Variants in RAB4A observed in about 807,000 individuals in gnomAD.
RAB4A encodes the protein ras-related protein Rab-4A.
RAB4A carries 20 observed loss-of-function variants against 34.5 expected under a neutral mutation model. The ratio of observed to expected loss-of-function variants is 0.58; its 90% CI spans 0.41 to 0.84. The LOEUF (loss-of-function observed/expected upper bound fraction) is 0.84. Ranked by LOEUF, RAB4A falls within the 40% of genes least tolerant of loss-of-function variation. RAB4A has a pLI of 0.00. For synonymous variants in RAB4A, 102 were observed against 100.0 expected, an observed-to-expected ratio of 1.02 and a Z score of -0.12; for missense variants, 228 against 274.5, an observed-to-expected ratio of 0.83 and a Z score of 1.20.
rs184512983 is a variant in RAB4A, at chr1:229,282,272, C to A, written c.32-4214C>A. Among the ~76,000 whole-genome samples, 7 of 152,254 alleles carry A rather than the reference C, an allele frequency of 4.6e-5. No individual in the cohort carries two copies. The East Asian group carries it at 1.3e-3, about 29-fold the overall frequency. On this transcript the variant is annotated intron_variant, in intron 1 of 7. Transcript: ENST00000366690. ...GAAAAATACAGTCACTCTCTTATGGCCTCCCTGGCTTCAGATGAGAAATCT... is the reference window on the plus strand; with the variant it reads ...GAAAAATACAGTCACTCTCTTATGGACTCCCTGGCTTCAGATGAGAAATCT...
At chr1:229,274,049 C>CTTTTTTTTTTTTT (rs11339660) in intron 1 of RAB4A, among the ~76,000 whole-genome samples, 2 of 86,862 alleles carry the variant, frequency 2.3e-5, no homozygotes, top group Non-Finnish European at 2.1e-5. Flanking sequence ...TTTTGTTTCC[C>CTTTTTTTTTTTTT]TTTTTTTTTT....
At position 229,286,566 on chromosome 1, in the gene RAB4A, T is replaced by C. The variant is rs1558237148; in HGVS notation, c.112T>C (p.Phe38Leu). The change falls in exon 2 of 8, where the codon TTC becomes CTC. Residue 38 changes from phenylalanine (F) to leucine (L), a missense_variant and splice_region_variant. By Grantham distance (22) the Phe-to-Leu change is conservative. Transcript: ENST00000366690. Reference protein sequence around the residue: ...CLLHQFIEKKFKDDSNHTIGV... With the variant: ...CLLHQFIEKKLKDDSNHTIGV... Reference sequence around the variant, plus strand: ...ACTTCATCAGTTTATTGAAAAAAAATGTAAGTGTCATGAAATTAGTCATTC... The same window carrying C: ...ACTTCATCAGTTTATTGAAAAAAAACGTAAGTGTCATGAAATTAGTCATTC... The C allele has an allele frequency of 4.5e-6, 7 of 1,545,058 alleles. No homozygotes were observed. Among genetic ancestry groups the C allele is most frequent in the Non-Finnish European group, 6.2e-6 (7 of 1,134,948 alleles).
At chr1:229,293,506 G>A (rs1031422996) in intron 3 of RAB4A, among the ~76,000 whole-genome samples, 10 of 152,210 alleles carry the variant, frequency 6.6e-5, no homozygotes, top group African/African-American at 2.2e-4. Context: ...GGGCCTCTGT[G>A]CCAGGAACCT....
In RAB4A at chr1:229,305,889, C is replaced by T. The variant is rs1657535971; in HGVS notation, c.*2096C>T. 6.6e-6 allele frequency: 1 copy of T among 152,096 alleles called. No individual in the cohort carries two copies. The highest frequency in any genetic ancestry group is 1.5e-5 in the Non-Finnish European group (1 of 68,018). The allele number at this position is 152,096 out of a possible 1,614,324, so 9.4% of individuals were successfully genotyped here. The stretch of plus-strand genomic sequence containing the variant: ...AAGAATCTGATGCTAAAATTAGAAA[C>T]CTAAATGATTTGTAATTTGTACTGT... On this transcript the variant is annotated 3_prime_UTR_variant, in exon 8 of 8. Coordinates refer to ENST00000366690, the MANE Select transcript of RAB4A (RefSeq NM_004578.4).
At chr1:229,277,471 A>G (rs1420158380) in intron 1 of RAB4A, among the ~76,000 whole-genome samples, 2 of 151,028 alleles carry the variant, frequency 1.3e-5, no homozygotes, top group Non-Finnish European at 2.9e-5. Context: ...CAAGGTTCCC[A>G]CTGTTCAATT....
chr1:229,283,467 A>G (rs1220842422), intron 1 of RAB4A, among the ~76,000 whole-genome samples: 1 of 152,174 alleles, frequency 6.6e-6, no homozygotes, highest in Non-Finnish European at 1.5e-5. Context: ...TAGAGTCATT[A>G]TTGTGTAAGA....
intron 3 of RAB4A, 82 bp from the exon 4 acceptor site, chr1:229,295,766 G>C: frequency 7.5e-7 from 1 of 1,326,414 alleles, no homozygotes; most frequent in Non-Finnish European, 1.1e-6. Flanking sequence ...TACAAAGCAA[G>C]CATGGGTGTT....
At chr1:229,296,004 T>C (rs909128049) in intron 4 of RAB4A, 94 bp downstream of exon 4, 2 of 1,325,820 alleles carry the variant, frequency 1.5e-6, no homozygotes, top group African/African-American at 2.9e-5. Context: ...GTGTGTGCTT[T>C]GTGTGTCCAG....
At chr1:229,272,774 T>C (rs148703503) in intron 1 of RAB4A, among the ~76,000 whole-genome samples, 17 of 152,168 alleles carry the variant, frequency 1.1e-4, no homozygotes, top group African/African-American at 3.9e-4. Flanking sequence ...TTGGAAGGGC[T>C]TCCATGCTGG....
intron 1 of RAB4A, among the ~76,000 whole-genome samples, chr1:229,281,249 T>G (rs931549802): frequency 7.4e-5 from 11 of 149,620 alleles, no homozygotes; most frequent in Admixed American, 6.6e-5. Context: ...CGAGCTGTAA[T>G]GGTGAGTTTG....
chr1:229,305,483 T>G lies in RAB4A; in HGVS notation c.*1690T>G. ...ATATCCTTCTGCATCCTTTGGCCAATAAAAGTTGCTGGAGAACCAAACCAT... is the reference window on the plus strand; with the variant it reads ...ATATCCTTCTGCATCCTTTGGCCAAGAAAAGTTGCTGGAGAACCAAACCAT... On this transcript the variant is annotated 3_prime_UTR_variant, in exon 8 of 8. Coordinates refer to ENST00000366690, the MANE Select transcript of RAB4A (RefSeq NM_004578.4). The G allele has an allele frequency of 2.1e-5, 10 of 467,264 alleles. No homozygotes were observed. The highest frequency in any genetic ancestry group is 4.0e-5 in the East Asian group (1 of 25,158). The allele number at this position is 467,264 out of a possible 1,614,324, so 28.9% of individuals were successfully genotyped here.
intron 6 of RAB4A, among the ~76,000 whole-genome samples, chr1:229,300,996 TATGTA>T (rs2102855944): frequency 1.3e-5 from 2 of 152,288 alleles, no homozygotes; most frequent in Non-Finnish European, 2.9e-5. Flanking sequence ...GAGTGTTCAT[TATGTA>T]ATGTAATAGT....
Position 229,271,308 on chromosome 1 carries a change from G to A in RAB4A, c.-32G>A, listed in dbSNP as rs1656462732. 1 of 1,330,164 alleles carries A rather than the reference G, an allele frequency of 7.5e-7. No homozygotes were observed. Among genetic ancestry groups the A allele is most frequent in the Non-Finnish European group, 9.6e-7 (1 of 1,038,488 alleles). The allele number at this position is 1,330,164 out of a possible 1,614,324, so 82.4% of individuals were successfully genotyped here. A position where few individuals can be genotyped will look rare whatever the true frequency, so the allele number is the denominator to read the frequency against. Reference sequence around the variant, plus strand: ...GGCGGACCGCGGGCGAGTGCAGCCGGTGACCCGGCGAGAGGCGGCGCCGCT... The same window carrying A: ...GGCGGACCGCGGGCGAGTGCAGCCGATGACCCGGCGAGAGGCGGCGCCGCT... On this transcript the variant is annotated 5_prime_UTR_variant, in exon 1 of 8. It adds an upstream start codon to the 5' untranslated region. Transcript: ENST00000366690.
At position 229,302,875 on chromosome 1, in the gene RAB4A, A is replaced by G. The variant is rs774124881; in HGVS notation, c.555A>G (p.Pro185=). The part of the protein sequence containing the change: ...LNKIESGELD[P]ERMGSGIQYG... The stretch of plus-strand genomic sequence containing the variant: ...CTTGGTCCTTAGGTGAGCTGGACCC[A>G]GAAAGAATGGGCTCAGGTATTCAGT... Residue 185 remains proline, a synonymous_variant, in exon 7 of 8, where the codon CCA becomes CCG. Transcript: ENST00000366690. The G allele has an allele frequency of 3.3e-5, 53 of 1,613,548 alleles. 1 individual carries two copies. The Middle Eastern group carries it at 6.6e-4, about 20-fold the overall frequency.
At chr1:229,302,278 TATATATATATATATATATATA>T (rs1355229442) in intron 6 of RAB4A, among the ~76,000 whole-genome samples, 1,967 of 22,822 alleles carry the variant, frequency 0.086, 127 homozygotes, top group African/African-American at 0.16. Context: ...TATATATATA[TATATATATATATATATATATA>T]TATATATATA....
rs1252670098 is a variant in RAB4A, at chr1:229,302,865, A to G, written c.545A>G (p.Glu182Gly). The G allele has an allele frequency of 3.7e-6, 6 of 1,610,904 alleles. No homozygotes were observed. The highest frequency in any genetic ancestry group is 4.2e-6 in the Non-Finnish European group (5 of 1,177,664). The change falls in exon 7 of 8, where the codon GAG (glutamate) becomes GGG (glycine). Residue 182 changes from glutamate to glycine, a missense_variant. Glu to Gly is a moderately conservative substitution (Grantham distance 98). Coordinates refer to ENST00000366690, the MANE Select transcript of RAB4A (RefSeq NM_004578.4). ...AGAAGACTTGCTTGGTCCTTAGGTG[A>G]GCTGGACCCAGAAAGAATGGGCTCA... ...RKILNKIESG[E>G]LDPERMGSGI...
chr1:229,281,815 G>GTT (rs1449947607), intron 1 of RAB4A, among the ~76,000 whole-genome samples: 14 of 35,230 alleles, frequency 4.0e-4, no homozygotes, highest in Non-Finnish European at 6.6e-4. Context: ...ACTTATCATA[G>GTT]TTATATATAT....
At chr1:229,282,450 G>A (rs944530128) in intron 1 of RAB4A, among the ~76,000 whole-genome samples, 2 of 152,144 alleles carry the variant, frequency 1.3e-5, no homozygotes, top group African/African-American at 4.8e-5. Context: ...AGTTCATTCA[G>A]CTTTTCAAAT....
intron 3 of RAB4A, among the ~76,000 whole-genome samples, chr1:229,292,973 G>C (rs1243415205): frequency 6.6e-6 from 1 of 152,142 alleles, no homozygotes; most frequent in African/African-American, 2.4e-5. Context: ...GAGTGCCCAG[G>C]CTTCCTGCAC....
Sources: allele counts gnomAD v4.1 joint callset (sites outside exome capture counted in the v4.1 genomes callset), GRCh38; gene constraint gnomAD v4.1.1; transcripts MANE v1.5; gene names NCBI Gene and HGNC (gene_info 2026-07-23, HGNC 2026-07-21).